RAD50: variants seen among roughly 807,000 people sequenced by gnomAD.
RAD50 encodes the protein DNA repair protein RAD50.
In RAD50, 132 loss-of-function variants were observed where a neutral mutation model predicts 168.8. That is an observed-to-expected ratio of 0.78 (90% CI 0.68 to 0.90). The LOEUF (loss-of-function observed/expected upper bound fraction) is 0.90. Among genes scored for constraint, RAD50 ranks in the 40% least tolerant of loss-of-function variants. The pLI is 0.00. For synonymous variants in RAD50, 525 were observed against 497.4 expected (o/e 1.06, Z -0.74); for missense variants, 1,347 against 1,534.4 (o/e 0.88, Z 2.04).
intron 21 of RAD50, chr5:132,630,967 A>G (rs1021314260): frequency 6.6e-6 from 1 of 152,210 alleles, no homozygotes; most frequent in Non-Finnish European, 1.5e-5. Context: ...CCAGAAATAT[A>G]AATGCCATTA....
At position 132,604,017 on chromosome 5, in the gene RAD50, A is replaced by G; in HGVS notation, c.2495A>G (p.Lys832Arg). The G allele has an allele frequency of 6.2e-7, 1 of 1,613,794 alleles. No individual in the cohort carries two copies. Among genetic ancestry groups the G allele is most frequent in the Non-Finnish European group, 8.5e-7 (1 of 1,179,752 alleles). ...DRTVQQVNQE[K>R]QEKQHKLDTV... Reference sequence around the variant, plus strand: ...ACTGTCCAACAAGTCAACCAGGAGAAACAAGAGAAACAGCACAAGTTAGAC... The same window carrying G: ...ACTGTCCAACAAGTCAACCAGGAGAGACAAGAGAAACAGCACAAGTTAGAC... Residue 832 changes from lysine (K) to arginine (R), a missense_variant, in exon 15 of 25, where the codon AAA (lysine) becomes AGA (arginine). By Grantham distance (26) the Lys-to-Arg change is conservative (BLOSUM62 2). This residue lies in a region of RAD50 where 635 missense variants were observed against 739.2 expected (regional missense o/e 0.86). Coordinates refer to ENST00000378823, the MANE Select transcript of RAD50 (RefSeq NM_005732.4).
intron 24 of RAD50, chr5:132,641,912 A>T (rs954593483): frequency 4.2e-6 from 2 of 471,974 alleles, no homozygotes; most frequent in African/African-American, 3.9e-5. Context: ...TCTGATCTGG[A>T]AGAAACTAGT....
chr5:132,623,385 G>A (rs1054076219), intron 21 of RAD50, among the ~76,000 whole-genome samples: 1 of 152,214 alleles, frequency 6.6e-6, no homozygotes, highest in Non-Finnish European at 1.5e-5. Flanking sequence ...AGGAGGCTGA[G>A]GCAGGAGAAT....
chr5:132,581,398 G>T (rs1401423379), intron 5 of RAD50, among the ~76,000 whole-genome samples: 1 of 152,188 alleles, frequency 6.6e-6, no homozygotes, highest in East Asian at 1.9e-4. Context: ...GGGATTACAG[G>T]CGTGAGCCAC....
intron 2 of RAD50, among the ~76,000 whole-genome samples, chr5:132,571,452 TATTA>T (rs1047018133): frequency 1.1e-4 from 16 of 152,164 alleles, no homozygotes; most frequent in Admixed American, 3.3e-4. Flanking sequence ...TCCCTCAAAT[TATTA>T]ATTAATTGTA....
At chr5:132,560,348 A>AT (rs1216984048) in intron 2 of RAD50, among the ~76,000 whole-genome samples, 1 of 152,046 alleles carries the variant, frequency 6.6e-6, no homozygotes, top group African/African-American at 2.4e-5. Flanking sequence ...GTTGATTATT[A>AT]TTTGTTTCTA....
At chr5:132,583,837 G>T (rs1013361245) in intron 5 of RAD50, among the ~76,000 whole-genome samples, 4 of 151,910 alleles carry the variant, frequency 2.6e-5, no homozygotes, top group African/African-American at 9.7e-5. Flanking sequence ...GGGATTACAG[G>T]CATGTGCCAC....
At chr5:132,639,252 C>G (rs530200770) in intron 23 of RAD50, among the ~76,000 whole-genome samples, 2 of 150,758 alleles carry the variant, frequency 1.3e-5, no homozygotes, top group African/African-American at 4.9e-5. Flanking sequence ...ACTCGGGAGG[C>G]TGAGGCAGGA....
At chr5:132,562,554 T>G (rs1470074408) in intron 2 of RAD50, among the ~76,000 whole-genome samples, 1 of 152,164 alleles carries the variant, frequency 6.6e-6, no homozygotes, top group Non-Finnish European at 1.5e-5. Flanking sequence ...AATAGTTTTG[T>G]CATTTATTAT....
chr5:132,622,173 T>C (rs745751359), intron 21 of RAD50, among the ~76,000 whole-genome samples: 11 of 152,186 alleles, frequency 7.2e-5, no homozygotes, highest in Non-Finnish European at 1.6e-4. Flanking sequence ...ATAATTTTTT[T>C]TTTTTAAAAC....
chr5:132,590,905 T>A (rs940436855), intron 9 of RAD50, among the ~76,000 whole-genome samples: 1 of 152,236 alleles, frequency 6.6e-6, no homozygotes, highest in Non-Finnish European at 1.5e-5. Flanking sequence ...ATAATAAATA[T>A]TTAATTGTTG....
intron 10 of RAD50, 135 bp from the exon 11 acceptor site, chr5:132,591,742 A>G (rs1437198907): frequency 2.8e-6 from 2 of 722,814 alleles, no homozygotes; most frequent in East Asian, 5.9e-5. Flanking sequence ...AAGAACTTTA[A>G]GAAATTTTAT....
chr5:132,635,842 TC>T (rs950427495), intron 21 of RAD50, among the ~76,000 whole-genome samples: 1 of 152,226 alleles, frequency 6.6e-6, no homozygotes, highest in African/African-American at 2.4e-5. Flanking sequence ...ATGTTTTGTC[TC>T]CTTTTGAAAG....
intron 13 of RAD50, among the ~76,000 whole-genome samples, chr5:132,602,427 G>C (rs1299450905): frequency 6.6e-6 from 1 of 152,090 alleles, no homozygotes; most frequent in African/African-American, 2.4e-5. Context: ...AAAAATAGTT[G>C]TCAGTACCTG....
intron 21 of RAD50, among the ~76,000 whole-genome samples, chr5:132,622,159 T>C (rs1328902249): frequency 6.6e-6 from 1 of 152,078 alleles, no homozygotes; most frequent in Non-Finnish European, 1.5e-5. Flanking sequence ...CACATGGTTT[T>C]TTTATAATTT....
intron 13 of RAD50, among the ~76,000 whole-genome samples, chr5:132,596,463 C>A (rs186614753): frequency 1.3e-5 from 2 of 152,204 alleles, no homozygotes; most frequent in Non-Finnish European, 2.9e-5. Flanking sequence ...TTGAAAAGTT[C>A]TCCCAGAAGA....
At chr5:132,601,645 A>G (rs903209929) in intron 13 of RAD50, among the ~76,000 whole-genome samples, 5 of 152,192 alleles carry the variant, frequency 3.3e-5, no homozygotes, top group Non-Finnish European at 2.9e-5. Flanking sequence ...TTTCTGTGGT[A>G]TAAAAAAAAA....
chr5:132,607,796 C>G (rs1414625241), intron 16 of RAD50, among the ~76,000 whole-genome samples: 1 of 152,158 alleles, frequency 6.6e-6, no homozygotes, highest in Middle Eastern at 3.2e-3. Context: ...GGGCATTTGA[C>G]TTCCTAACAC....
intron 11 of RAD50, 123 bp from the exon 12 acceptor site, chr5:132,594,746 A>T: frequency 1.0e-6 from 1 of 1,003,376 alleles, no homozygotes. Flanking sequence ...GAAAAAAATT[A>T]TTTGGTCATA....
Sources: gnomAD v4.1 joint callset for allele counts (sites outside exome capture counted in the v4.1 genomes callset) on GRCh38, gnomAD v4.1.1 for gene constraint, gnomAD v4.1.1 regional missense constraint, MANE v1.5 for transcripts, NCBI Gene and HGNC (gene_info 2026-07-23, HGNC 2026-07-21) for gene names.